The following WDR48 variants were observed in gnomAD, a reference collection of about 807,000 sequenced individuals.
WDR48 encodes the protein WD repeat domain 48.
WDR48 carries 22 observed loss-of-function variants against 94.0 expected under a neutral mutation model. The observed-to-expected ratio is 0.23, with a 90% CI of 0.17 to 0.33. The LOEUF (loss-of-function observed/expected upper bound fraction) is 0.33, where lower values mean the gene tolerates loss of function less well. Ranked by LOEUF, WDR48 falls within the 10% of genes least tolerant of loss-of-function variation. The pLI is 1.00. For missense variants in WDR48, 541 were observed against 813.8 expected, an observed-to-expected ratio of 0.66 and a Z score of 4.08; for synonymous variants, 278 against 280.5, an observed-to-expected ratio of 0.99 and a Z score of 0.09.
intron 5 of WDR48, among the ~76,000 whole-genome samples, chr3:39,067,178 G>C (rs556269413): frequency 6.6e-6 from 1 of 152,112 alleles, no homozygotes; most frequent in Non-Finnish European, 1.5e-5. Flanking sequence ...TTACTACTTC[G>C]TATCTCCCAC....
intron 16 of WDR48, chr3:39,090,050 G>C (rs182062377): frequency 6.3e-4 from 96 of 151,664 alleles, no homozygotes; most frequent in Middle Eastern, 3.4e-3. Context: ...TTTAAATTTT[G>C]ATAGATACTG....
chr3:39,079,855 C>T, intron 11 of WDR48, 47 bp downstream of exon 11: 2 of 1,126,542 alleles, frequency 1.8e-6, no homozygotes, highest in Non-Finnish European at 2.5e-6. Context: ...ATTGTATACC[C>T]CCTTTATTTT....
At chr3:39,077,400 C>G (rs1339130784) in intron 9 of WDR48, among the ~76,000 whole-genome samples, 187 bp downstream of exon 9, 4 of 152,116 alleles carry the variant, frequency 2.6e-5, no homozygotes, top group Admixed American at 2.6e-4. Flanking sequence ...AGATAATAGT[C>G]AAAATGACTA....
chr3:39,065,444 C>A (rs1419408518), intron 2 of WDR48, among the ~76,000 whole-genome samples: 1 of 152,116 alleles, frequency 6.6e-6, no homozygotes, highest in Non-Finnish European at 1.5e-5. Context: ...ATTCAAATCC[C>A]CACAGCCTAC....
At chr3:39,075,057 G>A in intron 8 of WDR48, 107 bp downstream of exon 8, 1 of 1,118,082 alleles carries the variant, frequency 8.9e-7, no homozygotes, top group Non-Finnish European at 1.3e-6. Flanking sequence ...GGGTTCGGAG[G>A]GGGAAGGTTT....
At chr3:39,081,978 T>C (rs550939853) in intron 11 of WDR48, among the ~76,000 whole-genome samples, 1 of 152,240 alleles carries the variant, frequency 6.6e-6, no homozygotes, top group Non-Finnish European at 1.5e-5. Context: ...TCAGGAGTTT[T>C]TTAGGAACAT....
chr3:39,094,749 G>A lies in WDR48; in HGVS notation c.*6G>A, dbSNP rs752862227. The A allele has an allele frequency of 3.1e-6, 5 of 1,613,922 alleles. No homozygotes were observed. The highest frequency in any genetic ancestry group is 1.1e-5 in the South Asian group (1 of 91,070). ...ACCGTCAGAAGTCCACGTGAAGGCT[G>A]GGCTAATGCTCCTGGATATTCATTT... On this transcript the variant is annotated 3_prime_UTR_variant, in exon 19 of 19. Coordinates refer to ENST00000302313, the MANE Select transcript of WDR48 (RefSeq NM_020839.4).
intron 2 of WDR48, among the ~76,000 whole-genome samples, chr3:39,064,961 A>G (rs1380606475): frequency 6.6e-6 from 1 of 152,202 alleles, no homozygotes; most frequent in Non-Finnish European, 1.5e-5. Context: ...AAACACCCAA[A>G]AGAACTAACC....
intron 6 of WDR48, 29 bp from the exon 7 acceptor site, chr3:39,069,614 T>G (rs746124560): frequency 6.5e-7 from 1 of 1,543,166 alleles, no homozygotes; most frequent in Non-Finnish European, 8.9e-7. Flanking sequence ...ATATATTTAG[T>G]TTGTGTAATA....
intron 3 of WDR48, 110 bp from the exon 4 acceptor site, chr3:39,066,438 G>A: frequency 3.2e-6 from 3 of 925,788 alleles, no homozygotes; most frequent in Non-Finnish European, 3.3e-6. Context: ...GTTTGTGTGT[G>A]TAAGAGAGAG....
chr3:39,086,382 A>T (rs1009974174), intron 14 of WDR48: 12 of 152,258 alleles, frequency 7.9e-5, no homozygotes, highest in African/African-American at 2.7e-4. Flanking sequence ...GTGAGCAACA[A>T]TGGCGAGTAC....
chr3:39,069,431 G>A (rs553954730), intron 6 of WDR48, among the ~76,000 whole-genome samples: 74 of 152,306 alleles, frequency 4.9e-4, no homozygotes, highest in Admixed American at 7.8e-4. Flanking sequence ...TATAACTGTT[G>A]TGTGTATAGT....
chr3:39,087,915 T>C (rs1021843444), intron 14 of WDR48: 2 of 531,474 alleles, frequency 3.8e-6, no homozygotes, highest in African/African-American at 3.8e-5. Context: ...TCCTCTAAAA[T>C]ACAGTCATTT....
At position 39,095,451 on chromosome 3, in the gene WDR48, A is replaced by T. The variant is rs2035293160; in HGVS notation, c.*708A>T. ...GCCTAGCGATGCTGCACCTCCCATGATGTCCTGGCTTTGTGGCAACCCCAG... is the reference window on the plus strand; with the variant it reads ...GCCTAGCGATGCTGCACCTCCCATGTTGTCCTGGCTTTGTGGCAACCCCAG... On this transcript the variant is annotated 3_prime_UTR_variant, in exon 19 of 19. Transcript: ENST00000302313. 6.6e-6 allele frequency: 1 copy of T among 152,198 alleles called. No homozygotes were observed. The highest frequency in any genetic ancestry group is 2.1e-4 in the South Asian group (1 of 4,834). The allele number at this position is 152,198 out of a possible 1,614,324, so 9.4% of individuals were successfully genotyped here.
In WDR48 at chr3:39,068,726, C is replaced by T. The variant is rs772562259; in HGVS notation, c.482-45C>T. 3 of 1,459,360 alleles carry T rather than the reference C, an allele frequency of 2.1e-6. No individual in the cohort carries two copies. In the South Asian group the frequency reaches 3.8e-5, roughly 18 times the overall value. The allele number at this position is 1,459,360 out of a possible 1,614,324, so 90.4% of individuals were successfully genotyped here. On this transcript the variant is annotated intron_variant, in intron 5 of 18. Coordinates refer to ENST00000302313, the MANE Select transcript of WDR48 (RefSeq NM_020839.4). The stretch of plus-strand genomic sequence containing the variant: ...CAGTTTTTGCTGACTAGTTACTAAA[C>T]AGCTGATGATCTTGTTAACATTTAG...
At chr3:39,080,834 A>G (rs962529639) in intron 11 of WDR48, among the ~76,000 whole-genome samples, 1 of 152,204 alleles carries the variant, frequency 6.6e-6, no homozygotes, top group Non-Finnish European at 1.5e-5. Context: ...GAGGCACAGG[A>G]AAAGGATGGT....
rs1401267247 is a variant in WDR48 at position 39,065,149 on chromosome 3, T to G, written c.190-662T>G. On this transcript the variant is annotated intron_variant, in intron 2 of 18. Coordinates refer to ENST00000302313, the MANE Select transcript of WDR48 (RefSeq NM_020839.4). The stretch of plus-strand genomic sequence containing the variant: ...TAGGATGTAACTAAATACTGTTCTT[T>G]AAAAGGCCTCTCCTGGTTATTAAGC... 3.3e-5 allele frequency among the ~76,000 whole-genome samples: 5 copies of G among 152,196 alleles called. No homozygotes were observed. In the East Asian group the frequency reaches 9.6e-4, roughly 29 times the overall value.
chr3:39,073,318 G>T (rs2034040065), intron 7 of WDR48, among the ~76,000 whole-genome samples: 1 of 152,176 alleles, frequency 6.6e-6, no homozygotes, highest in Admixed American at 6.5e-5. Context: ...AGCTGGAATA[G>T]GTTATTAAAC....
intron 15 of WDR48, 120 bp from the exon 16 acceptor site, chr3:39,089,110 GC>G: frequency 1.3e-6 from 1 of 793,704 alleles, no homozygotes; most frequent in Non-Finnish European, 2.0e-6. Context: ...TATTTCCTCA[GC>G]TGTCAAGTGG....
Sources: gnomAD v4.1 joint callset for allele counts (sites outside exome capture counted in the v4.1 genomes callset) on GRCh38, gnomAD v4.1.1 for gene constraint, MANE v1.5 for transcripts, NCBI Gene and HGNC (gene_info 2026-07-23, HGNC 2026-07-21) for gene names.